The following CACNB4 variants were observed in gnomAD, a reference collection of about 807,000 sequenced individuals.
CACNB4 encodes calcium voltage-gated channel auxiliary subunit beta 4, also known as voltage-dependent L-type calcium channel subunit beta-4.
A neutral mutation model predicts 71.2 loss-of-function variants in CACNB4; 32 were observed. The observed-to-expected ratio is 0.45, with a 90% CI of 0.34 to 0.60. The LOEUF (loss-of-function observed/expected upper bound fraction) is 0.60, where lower values mean the gene tolerates loss of function less well. Ranked by LOEUF, CACNB4 falls within the 20% of genes least tolerant of loss-of-function variation. The pLI is 0.01. For synonymous variants in CACNB4, 231 were observed against 236.9 expected (o/e 0.97, Z 0.23); for missense variants, 464 against 647.9 (o/e 0.72, Z 3.08).
chr2:152,075,662 C>T (rs533108290), intron 2 of CACNB4, among the ~76,000 whole-genome samples: 1 of 152,314 alleles, frequency 6.6e-6, no homozygotes, highest in South Asian at 2.1e-4. Context: ...ATACACCCCT[C>T]AGCCACACAC....
intron 2 of CACNB4, among the ~76,000 whole-genome samples, chr2:152,047,478 C>A (rs1437068277): frequency 2.6e-5 from 4 of 152,226 alleles, no homozygotes; most frequent in African/African-American, 9.6e-5. Flanking sequence ...CGACCTGTAA[C>A]CTTCACTTCA....
intron 2 of CACNB4, chr2:151,967,858 G>T (rs1256163645): frequency 6.6e-6 from 1 of 151,934 alleles, no homozygotes; most frequent in Non-Finnish European, 1.5e-5. Flanking sequence ...AGAAAAAAAA[G>T]GACACAGGAA....
At chr2:151,908,596 C>T (rs546668177) in intron 2 of CACNB4, among the ~76,000 whole-genome samples, 15 of 152,150 alleles carry the variant, frequency 9.9e-5, no homozygotes, top group Non-Finnish European at 2.1e-4. Flanking sequence ...AAAGTCATGG[C>T]AAAAAATCTG....
intron 2 of CACNB4, among the ~76,000 whole-genome samples, chr2:152,073,613 G>T (rs1686823185): frequency 6.6e-6 from 1 of 152,134 alleles, no homozygotes; most frequent in Admixed American, 6.5e-5. Context: ...TAAGGGATTG[G>T]AAAACAGTGC....
intron 2 of CACNB4, among the ~76,000 whole-genome samples, chr2:152,036,311 T>C (rs1043908685): frequency 2.0e-5 from 3 of 152,198 alleles, no homozygotes; most frequent in Non-Finnish European, 4.4e-5. Flanking sequence ...TTTTATGTTT[T>C]GTTTTGTTTT....
At chr2:152,042,891 C>G (rs769699648) in intron 2 of CACNB4, among the ~76,000 whole-genome samples, 1 of 152,080 alleles carries the variant, frequency 6.6e-6, no homozygotes, top group South Asian at 2.1e-4. Flanking sequence ...CATGCAGTAA[C>G]GAAGCCGGCT....
intron 2 of CACNB4, chr2:151,971,922 G>A: frequency 2.8e-6 from 1 of 355,672 alleles, no homozygotes; most frequent in Non-Finnish European, 5.4e-6. Flanking sequence ...ATCTCAGCCT[G>A]CTGGCCACCA....
intron 2 of CACNB4, among the ~76,000 whole-genome samples, chr2:152,030,077 T>C (rs1300241722): frequency 6.6e-6 from 1 of 152,140 alleles, no homozygotes; most frequent in African/African-American, 2.4e-5. Context: ...CTCATTTTCT[T>C]TTTGAGGCAA....
At chr2:151,913,021 G>A (rs1434055008) in intron 2 of CACNB4, among the ~76,000 whole-genome samples, 2 of 151,810 alleles carry the variant, frequency 1.3e-5, no homozygotes, top group African/African-American at 4.8e-5. Flanking sequence ...CATTTGATTG[G>A]TAAATTTTTC....
intron 2 of CACNB4, among the ~76,000 whole-genome samples, chr2:151,958,004 T>C (rs1197702410): frequency 1.3e-5 from 2 of 152,240 alleles, no homozygotes; most frequent in Admixed American, 1.3e-4. Context: ...TATTGTGGAA[T>C]GCTAACAGAT....
In CACNB4 at chr2:151,853,478, C is replaced by T. The variant is rs1205392090; in HGVS notation, c.1086G>A (p.Val362=). Residue 362 remains valine (V), a synonymous_variant, in exon 12 of 14, where the codon GTG becomes GTA. Coordinates refer to ENST00000539935, the MANE Select transcript of CACNB4 (RefSeq NM_000726.5). ...SQSKHLNVQL[V]AADKLAQCPP... ...GGCATTGTGCAAGTTTATCAGCTGC[C>T]ACCAGTTGAACATTCAAGTGTTTAC... The T allele has an allele frequency of 4.4e-6, 7 of 1,597,856 alleles. No homozygotes were observed. The highest frequency in any genetic ancestry group is 1.7e-5 in the Admixed American group (1 of 57,614).
intron 2 of CACNB4, 182 bp from the exon 3 acceptor site, chr2:151,883,552 G>A (rs2099848526): frequency 3.2e-6 from 2 of 625,092 alleles, no homozygotes; most frequent in East Asian, 5.8e-5. Flanking sequence ...TATTCGGAAA[G>A]TAGCAATGTT....
At chr2:152,085,510 G>A (rs1311398550) in intron 2 of CACNB4, among the ~76,000 whole-genome samples, 1 of 152,050 alleles carries the variant, frequency 6.6e-6, no homozygotes, top group African/African-American at 2.4e-5. Context: ...ACAAGTATCT[G>A]GGGGCAGAAC....
At chr2:151,984,159 C>T (rs1206617047) in intron 2 of CACNB4, among the ~76,000 whole-genome samples, 5 of 152,100 alleles carry the variant, frequency 3.3e-5, no homozygotes, top group African/African-American at 4.8e-5. Flanking sequence ...TTTAAACCTA[C>T]GAATTGCTTG....
chr2:151,841,947 A>G lies in CACNB4; in HGVS notation c.1258T>C (p.Ser420Pro). The change falls in exon 13 of 14, where the codon TCC becomes CCC. Residue 420 changes from serine to proline, a missense_variant. This residue lies in a region of CACNB4 where 115 missense variants were observed against 128.8 expected (regional missense o/e 0.89). Coordinates refer to ENST00000539935, the MANE Select transcript of CACNB4 (RefSeq NM_000726.5). ...GTGGGATATGGTGAGAGTGCCGTGGAGCCCAAATTCCTTCCCAGCAGCGGG... is the reference window on the plus strand; with the variant it reads ...GTGGGATATGGTGAGAGTGCCGTGGGGCCCAAATTCCTTCCCAGCAGCGGG... ...MTPLLGRNLG[S>P]TALSPYPTAI... The G allele has an allele frequency of 6.2e-7, 1 of 1,613,926 alleles. No homozygotes were observed. The highest frequency in any genetic ancestry group is 2.2e-5 in the East Asian group (1 of 44,878).
intron 2 of CACNB4, among the ~76,000 whole-genome samples, chr2:151,924,366 G>C (rs2099859715): frequency 6.6e-6 from 1 of 151,328 alleles, no homozygotes; most frequent in Admixed American, 6.6e-5. Context: ...TCTTAAAGTA[G>C]ATTATAGAAA....
intron 2 of CACNB4, among the ~76,000 whole-genome samples, chr2:152,023,537 C>T (rs531566524): frequency 6.6e-6 from 1 of 152,026 alleles, no homozygotes; most frequent in Admixed American, 6.6e-5. Flanking sequence ...CGGGTTCAAG[C>T]AATTCTCCTG....
chr2:152,001,783 T>C (rs534503223), intron 2 of CACNB4, among the ~76,000 whole-genome samples: 1 of 148,692 alleles, frequency 6.7e-6, no homozygotes, highest in Non-Finnish European at 1.5e-5. Context: ...GATGTTTACA[T>C]GAGTCTGGGA....
chr2:152,054,182 G>A (rs12473943), intron 2 of CACNB4, among the ~76,000 whole-genome samples: 150,408 of 151,170 alleles, frequency 0.99, 74,826 homozygotes, highest in Middle Eastern at 1. Context: ...CCTGGCTAAC[G>A]CGGTGAAACC....
Sources: gnomAD v4.1 joint callset for allele counts (sites outside exome capture counted in the v4.1 genomes callset) on GRCh38, gnomAD v4.1.1 for gene constraint, gnomAD v4.1.1 regional missense constraint, MANE v1.5 for transcripts, NCBI Gene and HGNC (gene_info 2026-07-23, HGNC 2026-07-21) for gene names.